Variants in EDIL3 observed in about 807,000 individuals in gnomAD.
EDIL3 encodes the protein EGF like and discoidin domains 3.
A neutral mutation model predicts 67.4 loss-of-function variants in EDIL3; 37 were observed. The observed-to-expected ratio is 0.55, with a 90% CI of 0.42 to 0.72. The LOEUF (loss-of-function observed/expected upper bound fraction) is 0.72. EDIL3 is among the 30% of genes least tolerant of loss of function. EDIL3 has a pLI of 0.00. For missense variants in EDIL3, 527 were observed against 586.3 expected (o/e 0.90, Z 1.04); for synonymous variants, 195 against 196.3 (o/e 0.99, Z 0.05).
At chr5:84,299,674 A>G (rs568408541) in intron 1 of EDIL3, among the ~76,000 whole-genome samples, 1 of 152,274 alleles carries the variant, frequency 6.6e-6, no homozygotes, top group South Asian at 2.1e-4. Context: ...TCTAGTTTTC[A>G]TATGTACAAA....
At chr5:84,262,539 G>A (rs1277081439) in intron 1 of EDIL3, among the ~76,000 whole-genome samples, 1 of 151,510 alleles carries the variant, frequency 6.6e-6, no homozygotes, top group East Asian at 1.9e-4. Flanking sequence ...AAATAGAATA[G>A]CTACTATTTA....
intron 1 of EDIL3, among the ~76,000 whole-genome samples, chr5:84,292,820 G>A (rs568421851): frequency 3.3e-5 from 5 of 152,206 alleles, no homozygotes; most frequent in Admixed American, 2.6e-4. Context: ...AAAGAACAGC[G>A]AAAGTGAGAC....
At chr5:83,969,301 G>A (rs972084) in intron 9 of EDIL3, among the ~76,000 whole-genome samples, 54,112 of 151,158 alleles carry the variant, frequency 0.36, 9,905 homozygotes, top group African/African-American at 0.43. Context: ...CACAATCATA[G>A]TCCTTTCATC....
intron 9 of EDIL3, among the ~76,000 whole-genome samples, chr5:83,969,655 T>C (rs1744756520): frequency 6.6e-6 from 1 of 151,890 alleles, no homozygotes; most frequent in Non-Finnish European, 1.5e-5. Flanking sequence ...TGATACACAT[T>C]GTTTCATTTA....
intron 4 of EDIL3, among the ~76,000 whole-genome samples, chr5:84,153,661 C>T (rs1737011937): frequency 6.6e-6 from 1 of 152,162 alleles, no homozygotes; most frequent in South Asian, 2.1e-4. Flanking sequence ...TGGGATTTCA[C>T]CATATTGGTC....
At chr5:84,004,717 G>A (rs1745383575) in intron 9 of EDIL3, among the ~76,000 whole-genome samples, 1 of 151,990 alleles carries the variant, frequency 6.6e-6, no homozygotes, top group Non-Finnish European at 1.5e-5. Flanking sequence ...GAGCAGTAAT[G>A]CCCACATCAA....
At chr5:83,972,574 T>A (rs2112139874) in intron 9 of EDIL3, among the ~76,000 whole-genome samples, 1 of 152,134 alleles carries the variant, frequency 6.6e-6, no homozygotes, top group Non-Finnish European at 1.5e-5. Flanking sequence ...ACACTAAAAA[T>A]CAGGTATACT....
chr5:84,342,447 G>A (rs1204449144), intron 1 of EDIL3, among the ~76,000 whole-genome samples: 1 of 151,920 alleles, frequency 6.6e-6, no homozygotes, highest in East Asian at 1.9e-4. Flanking sequence ...TGAATGATGG[G>A]AAATTCCTTA....
chr5:84,258,264 G>A (rs1384620856), intron 1 of EDIL3, among the ~76,000 whole-genome samples: 1 of 152,190 alleles, frequency 6.6e-6, no homozygotes, highest in Non-Finnish European at 1.5e-5. Flanking sequence ...ACAAAATGAG[G>A]AGGAAGCAGA....
intron 1 of EDIL3, among the ~76,000 whole-genome samples, chr5:84,375,554 G>C (rs1037523088): frequency 1.3e-4 from 20 of 152,062 alleles, no homozygotes; most frequent in African/African-American, 4.8e-4. Context: ...ATTACACTAG[G>C]AGAAATAAAA....
intron 1 of EDIL3, among the ~76,000 whole-genome samples, chr5:84,271,117 T>C (rs996482759): frequency 6.6e-6 from 1 of 152,218 alleles, no homozygotes; most frequent in Non-Finnish European, 1.5e-5. Flanking sequence ...TAGACCTAAT[T>C]GACCCTATTT....
At chr5:84,291,663 T>C (rs1745918730) in intron 1 of EDIL3, among the ~76,000 whole-genome samples, 1 of 141,416 alleles carries the variant, frequency 7.1e-6, no homozygotes, top group Non-Finnish European at 1.6e-5. Flanking sequence ...TATATATCTA[T>C]ATATATATCT....
chr5:84,057,581 C>A (rs1746471520), intron 9 of EDIL3, among the ~76,000 whole-genome samples: 1 of 151,946 alleles, frequency 6.6e-6, no homozygotes, highest in Non-Finnish European at 1.5e-5. Flanking sequence ...AAGTAAGAAC[C>A]TGAAAACTTC....
intron 9 of EDIL3, among the ~76,000 whole-genome samples, chr5:83,993,223 T>C (rs1745180569): frequency 6.6e-6 from 1 of 152,158 alleles, no homozygotes; most frequent in Non-Finnish European, 1.5e-5. Context: ...TCCAGGATAG[T>C]GTACAGTTGC....
At chr5:84,355,013 A>C (rs1398158885) in intron 1 of EDIL3, among the ~76,000 whole-genome samples, 1 of 152,032 alleles carries the variant, frequency 6.6e-6, no homozygotes, top group African/African-American at 2.4e-5. Context: ...ATATTTCCTG[A>C]ATTTGAATGT....
chr5:84,287,314 G>C (rs886119450), intron 1 of EDIL3, among the ~76,000 whole-genome samples: 1 of 152,130 alleles, frequency 6.6e-6, no homozygotes, highest in Non-Finnish European at 1.5e-5. Flanking sequence ...TTATTATTAA[G>C]AAAGTAAGAT....
intron 6 of EDIL3, among the ~76,000 whole-genome samples, chr5:84,073,707 C>T (rs1163518557): frequency 6.6e-6 from 1 of 151,396 alleles, no homozygotes; most frequent in Non-Finnish European, 1.5e-5. Context: ...AGGATACAAA[C>T]AAATGGAAGA....
At chr5:83,984,375 A>T (rs187141471) in intron 9 of EDIL3, among the ~76,000 whole-genome samples, 22 of 152,270 alleles carry the variant, frequency 1.4e-4, no homozygotes, top group Admixed American at 7.2e-4. Context: ...AGACCTGGGC[A>T]TAAGAGTATG....
intron 1 of EDIL3, among the ~76,000 whole-genome samples, chr5:84,254,606 A>G (rs1243301585): frequency 1.3e-5 from 2 of 152,174 alleles, no homozygotes; most frequent in Non-Finnish European, 1.5e-5. Flanking sequence ...AAAGGACAGG[A>G]GTTTATTTCT....
Sources: allele counts gnomAD v4.1 joint callset (sites outside exome capture counted in the v4.1 genomes callset), GRCh38; gene constraint gnomAD v4.1.1; transcripts MANE v1.5; gene names NCBI Gene and HGNC (gene_info 2026-07-23, HGNC 2026-07-21).